GLDC: variants seen among roughly 807,000 people sequenced by gnomAD.
GLDC encodes glycine dehydrogenase (decarboxylating), mitochondrial.
Under a neutral mutation model 121.3 loss-of-function variants are expected in GLDC, and 104 were observed. The observed-to-expected ratio is 0.86, with a 90% CI of 0.73 to 1.01. GLDC has a LOEUF of 1.01. Ranked by LOEUF, GLDC falls within the 50% of genes least tolerant of loss-of-function variation. GLDC has a pLI of 0.00. For missense variants in GLDC, 1,429 were observed against 1,306.6 expected, an observed-to-expected ratio of 1.09 and a Z score of -1.44; for synonymous variants, 546 against 480.6, an observed-to-expected ratio of 1.14 and a Z score of -1.78.
chr9:6,569,019 G>C (rs925858727), intron 15 of GLDC: 3 of 152,148 alleles, frequency 2.0e-5, no homozygotes, highest in African/African-American at 4.8e-5. Context: ...ACCAGAAAAA[G>C]TAGAACAACT....
chr9:6,629,958 T>TATATATATATATATGTATATATATA, intron 2 of GLDC, among the ~76,000 whole-genome samples: 5 of 78,674 alleles, frequency 6.4e-5, no homozygotes, highest in Non-Finnish European at 7.3e-5. Flanking sequence ...TATATATATA[T>TATATATATATATATGTATATATATA]TTTTTTTTTT....
chr9:6,552,779 G>A (rs1817541562), intron 20 of GLDC, among the ~76,000 whole-genome samples: 2 of 152,110 alleles, frequency 1.3e-5, no homozygotes, highest in African/African-American at 2.4e-5. Context: ...ATCAACTCTG[G>A]CCCTGGTGTT....
intron 2 of GLDC, among the ~76,000 whole-genome samples, chr9:6,628,860 C>T (rs2129977448): frequency 6.6e-6 from 1 of 152,282 alleles, no homozygotes; most frequent in Non-Finnish European, 1.5e-5. Flanking sequence ...TTCAGGCAAT[C>T]CTTCAGGAAC....
Position 6,595,019 on chromosome 9 carries a change from G to A in GLDC, c.1256C>T (p.Ser419Leu), listed in dbSNP as rs1227030484. 1.3e-6 allele frequency: 2 copies of A among 1,580,750 alleles called. No individual in the cohort carries two copies. The highest frequency in any genetic ancestry group is 1.7e-6 in the Non-Finnish European group (2 of 1,149,680). The change falls in exon 9 of 25, where the codon TCA (serine) becomes TTA (leucine). Residue 419 changes from serine to leucine, a missense_variant. Ser to Leu is a moderately radical substitution (Grantham distance 145). Coordinates refer to ENST00000321612, the MANE Select transcript of GLDC (RefSeq NM_000170.3). Reference sequence around the variant, plus strand: ...TAGACAGATTACCAACTCACCTTCTGACAAAATCAAAGTGGCATTATGTAC... The same window carrying A: ...TAGACAGATTACCAACTCACCTTCTAACAAAATCAAAGTGGCATTATGTAC... ...RRVHNATLIL[S>L]EGLKRAGHQL...
At chr9:6,624,371 A>T (rs1370130658) in intron 2 of GLDC, among the ~76,000 whole-genome samples, 1 of 152,202 alleles carries the variant, frequency 6.6e-6, no homozygotes, top group Admixed American at 6.5e-5. Flanking sequence ...AAGAAGAGCA[A>T]AATTGGGACA....
At chr9:6,620,997 G>A (rs146532585) in intron 2 of GLDC, among the ~76,000 whole-genome samples, 126 of 152,150 alleles carry the variant, frequency 8.3e-4, no homozygotes, top group African/African-American at 3.0e-3. Flanking sequence ...GTGAAACCCC[G>A]TCTCTACCAA....
At chr9:6,643,804 C>A (rs1039462386) in intron 2 of GLDC, among the ~76,000 whole-genome samples, 4 of 151,728 alleles carry the variant, frequency 2.6e-5, no homozygotes, top group African/African-American at 9.7e-5. Context: ...GAGGCCGAGG[C>A]AGACGGATTG....
chr9:6,605,379 T>G (rs1818709276), intron 5 of GLDC, 101 bp from the exon 6 acceptor site: 2 of 1,254,674 alleles, frequency 1.6e-6, no homozygotes, highest in Non-Finnish European at 2.3e-6. Flanking sequence ...TTCTGTGCCC[T>G]CCCACAGTGG....
At chr9:6,621,745 T>C (rs1027387395) in intron 2 of GLDC, among the ~76,000 whole-genome samples, 5 of 152,184 alleles carry the variant, frequency 3.3e-5, no homozygotes, top group African/African-American at 1.2e-4. Flanking sequence ...CTCGAACTTC[T>C]GACTTCGTGA....
chr9:6,585,637 G>A (rs1320762662), intron 15 of GLDC, among the ~76,000 whole-genome samples: 1 of 152,136 alleles, frequency 6.6e-6, no homozygotes, highest in Non-Finnish European at 1.5e-5. Flanking sequence ...AGAAGGTAGG[G>A]CATCTTGAAA....
chr9:6,534,024 A>G (rs1817061056), intron 24 of GLDC: 1 of 152,514 alleles, frequency 6.6e-6, no homozygotes. Context: ...CTTCCTGGCT[A>G]ACACAGTGAA....
At chr9:6,621,248 G>C (rs1342713012) in intron 2 of GLDC, among the ~76,000 whole-genome samples, 1 of 152,186 alleles carries the variant, frequency 6.6e-6, no homozygotes, top group East Asian at 1.9e-4. Flanking sequence ...TGGTTATTAA[G>C]AAGTATAAAT....
chr9:6,585,473 C>A (rs1818250228), intron 15 of GLDC, among the ~76,000 whole-genome samples: 1 of 152,008 alleles, frequency 6.6e-6, no homozygotes, highest in South Asian at 2.1e-4. Flanking sequence ...ATGCTATCAG[C>A]TCCTACCTAT....
chr9:6,563,106 G>A (rs1817790128), intron 16 of GLDC, among the ~76,000 whole-genome samples: 1 of 152,166 alleles, frequency 6.6e-6, no homozygotes, highest in Non-Finnish European at 1.5e-5. Flanking sequence ...AAGGAGGACA[G>A]GAAAACACAA....
intron 2 of GLDC, among the ~76,000 whole-genome samples, chr9:6,624,429 A>C (rs1490360786): frequency 6.6e-6 from 1 of 152,176 alleles, no homozygotes; most frequent in Admixed American, 6.5e-5. Flanking sequence ...GGCAGCAGAG[A>C]CTGGAGCAAT....
chr9:6,577,871 T>C (rs1818101609), intron 15 of GLDC, among the ~76,000 whole-genome samples: 1 of 151,876 alleles, frequency 6.6e-6, no homozygotes, highest in Non-Finnish European at 1.5e-5. Context: ...TTGAGCTTAA[T>C]GTACTTCTTT....
intron 9 of GLDC, 116 bp from the exon 10 acceptor site, chr9:6,593,106 G>A (rs1183007479): frequency 1.5e-5 from 16 of 1,057,052 alleles, no homozygotes; most frequent in Non-Finnish European, 2.2e-5. Context: ...GTCCTGGGGA[G>A]TGCTTTGGTG....
chr9:6,613,979 G>A (rs1318584966), intron 3 of GLDC, among the ~76,000 whole-genome samples: 1 of 152,110 alleles, frequency 6.6e-6, no homozygotes, highest in Non-Finnish European at 1.5e-5. Flanking sequence ...GTTTCACCAT[G>A]TTGGCCAGGC....
At chr9:6,619,966 T>A (rs1477354496) in intron 3 of GLDC, among the ~76,000 whole-genome samples, 2 of 152,092 alleles carry the variant, frequency 1.3e-5, no homozygotes, top group Non-Finnish European at 2.9e-5. Context: ...CCTAGTAGAT[T>A]TTATGGGACT....
Sources: allele counts gnomAD v4.1 joint callset (sites outside exome capture counted in the v4.1 genomes callset), GRCh38; gene constraint gnomAD v4.1.1; transcripts MANE v1.5; gene names NCBI Gene and HGNC (gene_info 2026-07-23, HGNC 2026-07-21).